The following WARS2 variants were observed in gnomAD, a reference collection of about 807,000 sequenced individuals.
The protein encoded by WARS2 is tryptophanyl tRNA synthetase 2, mitochondrial.
WARS2 carries 28 observed loss-of-function variants against 36.5 expected under a neutral mutation model. The ratio of observed to expected loss-of-function variants is 0.77; its 90% CI spans 0.57 to 1.05. WARS2 has a LOEUF of 1.05. Ranked by LOEUF, WARS2 falls within the 50% of genes least tolerant of loss-of-function variation. WARS2 has a pLI of 0.00. For missense variants in WARS2, 435 were observed against 456.8 expected (o/e 0.95, Z 0.44); for synonymous variants, 174 against 178.4 (o/e 0.98, Z 0.20).
rs587631171 is a variant in WARS2 at position 119,139,724 on chromosome 1, C to T, written c.90+831G>A. The T allele has an allele frequency of 2.6e-5, 4 of 152,306 alleles. No homozygotes were observed. The East Asian group carries it at 5.8e-4, about 22-fold the overall frequency. The allele number at this position is 152,306 out of a possible 1,614,324, so 9.4% of individuals were successfully genotyped here. On this transcript the variant is annotated intron_variant, in intron 1 of 5. Transcript: ENST00000235521. ...TTACCTAATAAAATCACATTCTCTCCTTTCTCTCTAGTTCCCAGAATATAT... is the reference window on the plus strand; with the variant it reads ...TTACCTAATAAAATCACATTCTCTCTTTTCTCTCTAGTTCCCAGAATATAT...
At chr1:119,047,893 G>A (rs1255805652) in intron 2 of WARS2, among the ~76,000 whole-genome samples, 1 of 152,226 alleles carries the variant, frequency 6.6e-6, no homozygotes, top group Non-Finnish European at 1.5e-5. Flanking sequence ...AAGAACTGAA[G>A]ATTTCAGACC....
chr1:119,085,060 T>C (rs1361449411), intron 1 of WARS2: 1 of 720,978 alleles, frequency 1.4e-6, no homozygotes, highest in Non-Finnish European at 2.6e-6. Flanking sequence ...TGGGTCCTTT[T>C]ATGCCTATGG....
chr1:119,076,265 G>T, intron 2 of WARS2, 85 bp downstream of exon 2: 1 of 1,503,320 alleles, frequency 6.7e-7, no homozygotes, highest in Non-Finnish European at 9.0e-7. Flanking sequence ...AAAATCACGA[G>T]CAGGGGCTGT....
chr1:119,048,309 T>C (rs1234038859), intron 2 of WARS2, among the ~76,000 whole-genome samples: 1 of 152,232 alleles, frequency 6.6e-6, no homozygotes. Flanking sequence ...TTAATCTCTT[T>C]GTGTCTCAGT....
intron 1 of WARS2, among the ~76,000 whole-genome samples, chr1:119,098,581 G>A (rs976176745): frequency 5.4e-5 from 8 of 148,068 alleles, no homozygotes; most frequent in Non-Finnish European, 1.0e-4. Flanking sequence ...AGCATTACAG[G>A]CGCCCGCCAT....
intron 1 of WARS2, 28 bp downstream of exon 1, chr1:119,140,527 C>T (rs1285726448): frequency 9.3e-6 from 15 of 1,605,820 alleles, no homozygotes; most frequent in Middle Eastern, 3.3e-4. Flanking sequence ...GATGGGAAGC[C>T]GCGGAGGGAA....
chr1:119,105,770 GT>G (rs1265889526), intron 1 of WARS2, among the ~76,000 whole-genome samples: 2 of 152,150 alleles, frequency 1.3e-5, no homozygotes, highest in Non-Finnish European at 2.9e-5. Context: ...AAATTAGCCG[GT>G]GTGGTAATGC....
intron 1 of WARS2, among the ~76,000 whole-genome samples, chr1:119,115,104 T>G (rs1654876411): frequency 6.6e-6 from 1 of 152,186 alleles, no homozygotes; most frequent in African/African-American, 2.4e-5. Context: ...TTACAAACAC[T>G]TAATACAATT....
chr1:119,084,572 C>A (rs1490299554), intron 1 of WARS2, among the ~76,000 whole-genome samples: 2 of 152,140 alleles, frequency 1.3e-5, no homozygotes, highest in Non-Finnish European at 2.9e-5. Flanking sequence ...AGGTTTTGGG[C>A]ATGGAGCTGG....
At chr1:119,066,442 C>G (rs1183831180) in intron 2 of WARS2, among the ~76,000 whole-genome samples, 1 of 137,180 alleles carries the variant, frequency 7.3e-6, no homozygotes, top group Non-Finnish European at 1.5e-5. Flanking sequence ...CATGCCATTG[C>G]ACTCCAGCAT....
chr1:119,094,265 T>C (rs950049820), intron 1 of WARS2, among the ~76,000 whole-genome samples: 1 of 152,208 alleles, frequency 6.6e-6, no homozygotes, highest in Non-Finnish European at 1.5e-5. Context: ...AAATATTTAT[T>C]TCCTTTGGTA....
intron 1 of WARS2, among the ~76,000 whole-genome samples, chr1:119,138,979 G>A (rs74112509): frequency 0.017 from 2,543 of 152,178 alleles, 75 homozygotes; most frequent in African/African-American, 0.058. Context: ...TCATTAGCAG[G>A]CTGCAGTTTG....
At chr1:119,044,459 A>C (rs1158458057) in intron 3 of WARS2, among the ~76,000 whole-genome samples, 1 of 152,172 alleles carries the variant, frequency 6.6e-6, no homozygotes, top group Non-Finnish European at 1.5e-5. Context: ...ACATTATGAA[A>C]CTTTGTTTCT....
intron 2 of WARS2, among the ~76,000 whole-genome samples, chr1:119,049,201 G>C (rs984424759): frequency 1.3e-5 from 2 of 152,180 alleles, no homozygotes; most frequent in South Asian, 4.1e-4. Context: ...GCACACCAGC[G>C]GGCCACTGAC....
chr1:119,084,981 G>A (rs186471527), intron 1 of WARS2: 19 of 498,998 alleles, frequency 3.8e-5, no homozygotes, highest in African/African-American at 1.2e-4. Flanking sequence ...CAAATCTACC[G>A]AGCAGCTGAA....
rs55857499 is a variant in WARS2, at chr1:119,065,634, CAA to C, written c.348+10714_348+10715del. ...TGGGTGACAGAGTGAGACTCTGTCT[CAA>C]AAAAAAAAAAAAAAAGGAAATAAAT... On this transcript the variant is annotated intron_variant, in intron 2 of 5. Transcript: ENST00000235521. 3.7e-3 allele frequency among the ~76,000 whole-genome samples: 341 copies of C among 91,402 alleles called. 1 individual carries two copies. Among genetic ancestry groups the C allele is most frequent in the Middle Eastern group, 0.021 (4 of 188 alleles). 60.0% of individuals were successfully genotyped at this position (91,402 alleles called of 152,430 possible). A position where few individuals can be genotyped will look rare whatever the true frequency, so the allele number is the denominator to read the frequency against.
At chr1:119,034,693 T>G (rs7354830) in intron 4 of WARS2, among the ~76,000 whole-genome samples, 1 of 152,242 alleles carries the variant, frequency 6.6e-6, no homozygotes, top group Admixed American at 6.5e-5. Flanking sequence ...CCCTGTCACA[T>G]AGGGAGTAAT....
intron 2 of WARS2, among the ~76,000 whole-genome samples, chr1:119,069,146 A>G (rs1311527766): frequency 6.6e-6 from 1 of 152,178 alleles, no homozygotes; most frequent in African/African-American, 2.4e-5. Flanking sequence ...ACAATAGCAC[A>G]CAGAAAAATA....
chr1:119,033,574 A>G (rs780837166), intron 5 of WARS2, among the ~76,000 whole-genome samples: 16 of 152,218 alleles, frequency 1.1e-4, no homozygotes, highest in Non-Finnish European at 1.9e-4. Flanking sequence ...TATTCAATAA[A>G]TTACATGAGA....
Sources: gnomAD v4.1 joint callset for allele counts (sites outside exome capture counted in the v4.1 genomes callset) on GRCh38, gnomAD v4.1.1 for gene constraint, MANE v1.5 for transcripts, NCBI Gene and HGNC (gene_info 2026-07-23, HGNC 2026-07-21) for gene names.